CDH13: variants seen among roughly 807,000 people sequenced by gnomAD.
The protein encoded by CDH13 is cadherin-13.
Under a neutral mutation model 63.8 loss-of-function variants are expected in CDH13, and 24 were observed. That is an observed-to-expected ratio of 0.38 (90% CI 0.27 to 0.53). CDH13 has a LOEUF of 0.53. Among genes scored for constraint, CDH13 ranks in the 20% least tolerant of loss-of-function variants. The pLI, the probability that CDH13 is intolerant of heterozygous loss-of-function variation, is 0.85. For missense variants in CDH13, 1,049 were observed against 903.1 expected, an observed-to-expected ratio of 1.16 and a Z score of -2.07; for synonymous variants, 503 against 355.3, an observed-to-expected ratio of 1.42 and a Z score of -4.67.
At chr16:83,273,317 C>G (rs1470368061) in intron 5 of CDH13, among the ~76,000 whole-genome samples, 1 of 151,836 alleles carries the variant, frequency 6.6e-6, no homozygotes, top group Admixed American at 6.6e-5. Flanking sequence ...TAGTTTTTTT[C>G]AATCCTCTCC....
intron 1 of CDH13, chr16:82,825,513 T>A (rs1390664016): frequency 6.6e-6 from 1 of 152,028 alleles, no homozygotes; most frequent in African/African-American, 2.4e-5. Context: ...CTTGGCTTAT[T>A]TCCTCTTAGA....
intron 1 of CDH13, among the ~76,000 whole-genome samples, chr16:82,686,383 C>G (rs148272798): frequency 6.6e-6 from 1 of 152,190 alleles, no homozygotes; most frequent in Non-Finnish European, 1.5e-5. Context: ...CTTATAAATG[C>G]AGAGGGTCTT....
intron 1 of CDH13, among the ~76,000 whole-genome samples, chr16:82,786,494 TTTTGTG>T (rs1208152968): frequency 1.5e-5 from 2 of 132,176 alleles, no homozygotes; most frequent in Non-Finnish European, 3.4e-5. Context: ...TTTCTTCTTC[TTTTGTG>T]TGTGTGTGTG....
At chr16:83,210,754 A>C (rs891350028) in intron 4 of CDH13, among the ~76,000 whole-genome samples, 1 of 151,960 alleles carries the variant, frequency 6.6e-6, no homozygotes, top group African/African-American at 2.4e-5. Flanking sequence ...GCAATTCAAG[A>C]AAGTGAGAAC....
chr16:83,552,213 A>G (rs1373969806), intron 7 of CDH13, among the ~76,000 whole-genome samples: 20 of 152,128 alleles, frequency 1.3e-4, no homozygotes, highest in Admixed American at 1.3e-3. Context: ...GAGCCTGTGG[A>G]CCTAGTTGGG....
intron 1 of CDH13, among the ~76,000 whole-genome samples, chr16:82,750,313 TGTCTG>T (rs200251688): frequency 0.01 from 1,540 of 152,278 alleles, 28 homozygotes; most frequent in African/African-American, 0.035. Flanking sequence ...CCAGGAAGGA[TGTCTG>T]GTCTTTAATC....
At chr16:83,464,852 A>G (rs999878513) in intron 6 of CDH13, among the ~76,000 whole-genome samples, 6 of 152,346 alleles carry the variant, frequency 3.9e-5, no homozygotes, top group Non-Finnish European at 8.8e-5. Context: ...CAAGTTGCCC[A>G]GGTGGGTCTT....
chr16:82,827,072 C>G (rs933187268), intron 1 of CDH13, among the ~76,000 whole-genome samples: 4 of 152,220 alleles, frequency 2.6e-5, no homozygotes, highest in African/African-American at 7.2e-5. Flanking sequence ...TCAGTGGACA[C>G]ATTTGGCCCA....
chr16:83,312,413 G>C (rs2090020556), intron 5 of CDH13, among the ~76,000 whole-genome samples: 1 of 152,220 alleles, frequency 6.6e-6, no homozygotes, highest in Non-Finnish European at 1.5e-5. Context: ...AGCAAGTTCA[G>C]TTCTGGGGAT....
chr16:83,410,540 A>G (rs79142243), intron 6 of CDH13, among the ~76,000 whole-genome samples: 3,441 of 152,256 alleles, frequency 0.023, 133 homozygotes, highest in East Asian at 0.15. Flanking sequence ...AGTATATTGA[A>G]GGCAATACCC....
intron 1 of CDH13, among the ~76,000 whole-genome samples, chr16:82,682,083 G>A (rs1484363003): frequency 3.3e-5 from 5 of 152,206 alleles, no homozygotes; most frequent in African/African-American, 1.2e-4. Flanking sequence ...AACATGTATT[G>A]AATTTTTATT....
chr16:82,863,806 G>T (rs2040030493), intron 2 of CDH13, among the ~76,000 whole-genome samples: 1 of 152,172 alleles, frequency 6.6e-6, no homozygotes, highest in Admixed American at 6.5e-5. Context: ...AACAGGTGAA[G>T]AAGCGACTAA....
chr16:83,401,924 A>T (rs1463206784), intron 6 of CDH13, among the ~76,000 whole-genome samples: 1 of 152,192 alleles, frequency 6.6e-6, no homozygotes. Context: ...TCTCATATTC[A>T]TCTGGAGACC....
rs370374061 is a variant in CDH13, at chr16:82,771,402, A to G, written c.46-86960A>G. The stretch of plus-strand genomic sequence containing the variant: ...ATATTAAATTGGTACCATTGGACCC[A>G]ATATGACTGGTGTTTGTAAGGGTCT... On this transcript the variant is annotated intron_variant, in intron 1 of 13. Coordinates refer to ENST00000567109, the MANE Select transcript of CDH13 (RefSeq NM_001257.5). Among the ~76,000 whole-genome samples, 12 of 152,328 alleles carry G rather than the reference A, an allele frequency of 7.9e-5. No homozygotes were observed. In the East Asian group the frequency reaches 1.7e-3, roughly 22 times the overall value.
At chr16:83,392,210 G>T (rs1201789463) in intron 6 of CDH13, among the ~76,000 whole-genome samples, 1 of 152,088 alleles carries the variant, frequency 6.6e-6, no homozygotes, top group South Asian at 2.1e-4. Context: ...CGTGGCCCTG[G>T]GCAAGCCCAC....
rs576294476 is a variant in CDH13, at chr16:83,793,719, A to G, written c.2135-1304A>G. 2.0e-5 allele frequency among the ~76,000 whole-genome samples: 3 copies of G among 152,170 alleles called. No homozygotes were observed. In the South Asian group the frequency reaches 6.2e-4, roughly 32 times the overall value. On this transcript the variant is annotated intron_variant, in intron 13 of 13. Transcript: ENST00000567109. ...CCCAGATACTCAGGAGGCTGAGGCA[A>G]AAGAATCGCTCAAACCTGGGAGGCG...
At chr16:82,638,462 T>G (rs1908958872) in intron 1 of CDH13, among the ~76,000 whole-genome samples, 1 of 152,208 alleles carries the variant, frequency 6.6e-6, no homozygotes. Context: ...CTGCAGGATT[T>G]TTGTGAGAAT....
At chr16:83,681,175 G>A (rs1382419235) in intron 10 of CDH13, among the ~76,000 whole-genome samples, 1 of 152,072 alleles carries the variant, frequency 6.6e-6, no homozygotes, top group East Asian at 1.9e-4. Context: ...AGGGCCTGCA[G>A]GGGCGGCTAC....
At chr16:83,570,844 A>ATAAATTTATATT (rs1567773558) in intron 7 of CDH13, among the ~76,000 whole-genome samples, 2 of 73,836 alleles carry the variant, frequency 2.7e-5, no homozygotes, top group African/African-American at 6.9e-5. Context: ...TTATATTTTT[A>ATAAATTTATATT]TATATATAAA....
Sources: allele counts gnomAD v4.1 joint callset (sites outside exome capture counted in the v4.1 genomes callset), GRCh38; gene constraint gnomAD v4.1.1; transcripts MANE v1.5; gene names NCBI Gene and HGNC (gene_info 2026-07-23, HGNC 2026-07-21).